The following GRK1 variants were observed in gnomAD, a reference collection of about 807,000 sequenced individuals.
GRK1 encodes the protein rhodopsin kinase GRK1.
GRK1 carries 28 observed loss-of-function variants against 41.7 expected under a neutral mutation model. The ratio of observed to expected loss-of-function variants is 0.67; its 90% CI spans 0.50 to 0.92. The LOEUF (loss-of-function observed/expected upper bound fraction) is 0.92, where lower values mean the gene tolerates loss of function less well. Ranked by LOEUF, GRK1 falls within the 40% of genes least tolerant of loss-of-function variation. The probability of loss-of-function intolerance (pLI) is 0.00; values close to 1 mark genes in which losing one functional copy is unlikely to be tolerated. For missense variants in GRK1, 703 were observed against 671.2 expected, an observed-to-expected ratio of 1.05 and a Z score of -0.52; for synonymous variants, 327 against 286.7, an observed-to-expected ratio of 1.14 and a Z score of -1.42.
chr13:113,727,651 CG>C (rs2049898507), intron 4 of GRK1, among the ~76,000 whole-genome samples: 47 of 131,732 alleles, frequency 3.6e-4, no homozygotes, highest in African/African-American at 1.3e-3. Flanking sequence ...GTACCCATGG[CG>C]ATGAGGACCC....
the GRK1 span, chr13:113,649,325 G>A: frequency 1.3e-6 from 2 of 1,552,012 alleles, no homozygotes; most frequent in Non-Finnish European, 1.7e-6. This position sits in a 1 kb window ranked among gnomAD's most constrained non-coding sequence, Gnocchi z 4.7. Context: ...CCAGGAGGGT[G>A]TCCTTGAGCG....
chr13:113,672,479 CTGTA>C (rs1230608423), intron 3 of GRK1, among the ~76,000 whole-genome samples: 1 of 151,296 alleles, frequency 6.6e-6, no homozygotes, highest in African/African-American at 2.4e-5. Flanking sequence ...TGTGTGGTAT[CTGTA>C]TGGTGTGGTA....
chr13:113,723,869 C>A (rs1050642025), intron 4 of GRK1, among the ~76,000 whole-genome samples: 1 of 150,720 alleles, frequency 6.6e-6, no homozygotes, highest in South Asian at 2.1e-4. Context: ...TGTGCATGCC[C>A]GTGTCTGTGC....
rs533061750 is a variant in GRK1 at position 113,732,976 on chromosome 13, G to A, written c.1287G>A (p.Ala429=). ...FSQASKDFCE[A]LLEKDPEKRL... ...AGGCCAGCAAGGACTTCTGCGAGGC[G>A]CTGCTGGAGAAGGACCCGGAGAAGC... The change falls in exon 6 of 7, where the codon GCG becomes GCA. Residue 429 remains alanine (A), a synonymous_variant. Transcript: ENST00000335678. 1.7e-5 allele frequency: 26 copies of A among 1,536,980 alleles called. No homozygotes were observed. Among genetic ancestry groups the A allele is most frequent in the East Asian group, 1.2e-4 (5 of 40,934 alleles).
intron 2 of GRK1, 35 bp downstream of exon 2, chr13:113,669,849 G>A (rs371815999): frequency 8.1e-6 from 13 of 1,610,894 alleles, no homozygotes; most frequent in Middle Eastern, 1.7e-4. Flanking sequence ...AGGGGGCCCC[G>A]CTGTCCCACT....
At position 113,728,220 on chromosome 13, in the gene GRK1, GAGTACCCATGGCGAGGAGT is replaced by G. The variant is rs1566696930; in HGVS notation, c.1070-2997_1070-2979del. Reference sequence around the variant, plus strand: ...GATGAGGAGTACCCATGGCGATGAGGAGTACCCATGGCGAGGAGTACCCATGGCGATGAGGAGTACCCAT... The same window carrying G: ...GATGAGGAGTACCCATGGCGATGAGGACCCATGGCGATGAGGAGTACCCAT... On this transcript the variant is annotated intron_variant, in intron 4 of 6. Transcript: ENST00000335678. 2.1e-3 allele frequency among the ~76,000 whole-genome samples: 230 copies of G among 108,790 alleles called. 2 individuals are homozygous for G. Among genetic ancestry groups the G allele is most frequent in the Middle Eastern group, 7.7e-3 (1 of 130 alleles). The allele number at this position is 108,790 out of a possible 152,430, so 71.4% of individuals were successfully genotyped here.
chr13:113,665,487 C>T (rs1238866644), upstream of GRK1, among the ~76,000 whole-genome samples: 1 of 150,018 alleles, frequency 6.7e-6, no homozygotes, highest in Non-Finnish European at 1.5e-5. Flanking sequence ...CAAGTGTGTA[C>T]CAGCTGTCCC....
rs896613924 is a variant in GRK1, at chr13:113,671,137, T to C, written c.828-362T>C. Among the ~76,000 whole-genome samples, 2 of 152,248 alleles carry C rather than the reference T, an allele frequency of 1.3e-5. No homozygotes were observed. The highest frequency in any genetic ancestry group is 2.4e-5 in the African/African-American group (1 of 41,466). ...GAAACACCTTACTGCAAATCTTTCA[T>C]GAGTCTGATGAACTTGGGGCCTGCG... On this transcript the variant is annotated intron_variant, in intron 2 of 6. Transcript: ENST00000335678. This position sits in a 1 kb window ranked among gnomAD's most constrained non-coding sequence, Gnocchi z 4.1.
At chr13:113,727,585 GAGT>G (rs1176072447) in intron 4 of GRK1, among the ~76,000 whole-genome samples, 1 of 150,940 alleles carries the variant, frequency 6.6e-6, no homozygotes. Flanking sequence ...TGGCAATGAG[GAGT>G]ACCCATGGCA....
intron 4 of GRK1, among the ~76,000 whole-genome samples, chr13:113,730,554 C>T (rs916668697): frequency 5.3e-5 from 8 of 150,692 alleles, no homozygotes; most frequent in Non-Finnish European, 1.2e-4. Context: ...GCCTCTGCGG[C>T]TGCGCCCAGA....
the GRK1 span, chr13:113,649,627 G>C: frequency 1.6e-5 from 22 of 1,380,428 alleles, no homozygotes; most frequent in Non-Finnish European, 1.6e-5. The surrounding 1 kb of genome is among the most constrained non-coding windows in gnomAD (Gnocchi z 4.7). Context: ...AGTCAGGTTG[G>C]TGCAGAGAAG....
Position 113,731,542 on chromosome 13 carries a change from C to A in GRK1, c.1194+199C>A. ...TGTCTCAGTGGGTGACGCCCCCAGC[C>A]CCTGAGGCCTGCAGGTGGAGGGGCT... On this transcript the variant is annotated intron_variant, in intron 5 of 6. Transcript: ENST00000335678. The surrounding 1 kb of genome is among the most constrained non-coding windows in gnomAD (Gnocchi z 5.6). 3.0e-6 allele frequency: 1 copy of A among 330,900 alleles called. No individual in the cohort carries two copies. The highest frequency in any genetic ancestry group is 4.3e-6 in the Non-Finnish European group (1 of 231,632). The allele number at this position is 330,900 out of a possible 1,614,324, so 20.5% of individuals were successfully genotyped here.
chr13:113,660,365 A>C, the GRK1 span, among the ~76,000 whole-genome samples: 1 of 152,162 alleles, frequency 6.6e-6, no homozygotes, highest in Non-Finnish European at 1.5e-5. Flanking sequence ...CCCACCCAAC[A>C]GTCCTCAGGA....
At position 113,735,087 on chromosome 13, in the gene GRK1, C is replaced by A. The variant is rs1566701153; in HGVS notation, c.1416C>A (p.Phe472Leu). The A allele has an allele frequency of 1.3e-6, 2 of 1,518,612 alleles. No homozygotes were observed. The highest frequency in any genetic ancestry group is 1.8e-6 in the Non-Finnish European group (2 of 1,132,282). 94.1% of individuals were successfully genotyped at this position (1,518,612 alleles called of 1,614,324 possible). The change falls in exon 7 of 7, where the codon TTC becomes TTA. Residue 472 changes from phenylalanine (F) to leucine (L), a missense_variant. Phe to Leu is a conservative substitution (Grantham distance 22). Transcript: ENST00000335678. ...QLEAGMLMPP[F>L]IPDSKTVYAK... is the part of the protein sequence containing the mutation. ...CCACAGGGATGCTGATGCCCCCTTT[C>A]ATCCCAGACTCCAAAACTGTCTACG... is the stretch of plus-strand genomic sequence containing the variant.
Position 113,671,072 on chromosome 13 carries a change from TAA to T in GRK1, c.828-426_828-425del, listed in dbSNP as rs370086379. Among the ~76,000 whole-genome samples the T allele has an allele frequency of 1.6e-3, 245 of 152,320 alleles. No individual in the cohort carries two copies. Among genetic ancestry groups the T allele is most frequent in the African/African-American group, 5.6e-3 (232 of 41,562 alleles). On this transcript the variant is annotated intron_variant, in intron 2 of 6. Transcript: ENST00000335678. This position sits in a 1 kb window ranked among gnomAD's most constrained non-coding sequence, Gnocchi z 4.1. ...CTGCAAAACCTGTCCGTGGAAAACA[TAA>T]GAGATGATGTTCTATGGGGGAGGAA...
At chr13:113,666,364 G>T (rs1162218203), upstream of GRK1, among the ~76,000 whole-genome samples, 1 of 148,110 alleles carries the variant, frequency 6.8e-6, no homozygotes, top group Admixed American at 6.7e-5. Flanking sequence ...GTGTTCACCA[G>T]CTGTCCCAGC....
rs2049902270 is a variant in GRK1, at chr13:113,727,959, TGATGAGGACCCATG to T, written c.1070-3258_1070-3245del. On this transcript the variant is annotated intron_variant, in intron 4 of 6. Transcript: ENST00000335678. ...CCATGGCGATGAGGAGTACCCATGG[TGATGAGGACCCATG>T]GCGATGAGGAGTACCCATGGCGATG... is the stretch of plus-strand genomic sequence containing the variant. Among the ~76,000 whole-genome samples the T allele has an allele frequency of 1.3e-3, 77 of 60,038 alleles. 2 individuals carry two copies. The highest frequency in any genetic ancestry group is 7.2e-3 in the African/African-American group (68 of 9,426). The allele number at this position is 60,038 out of a possible 152,430, so 39.4% of individuals were successfully genotyped here. A position where few individuals can be genotyped will look rare whatever the true frequency, so the allele number is the denominator to read the frequency against.
chr13:113,663,338 A>G (rs1354256196), upstream of GRK1, among the ~76,000 whole-genome samples: 1 of 152,270 alleles, frequency 6.6e-6, no homozygotes, highest in Non-Finnish European at 1.5e-5. Context: ...TTCTATAAAA[A>G]GTAACCCAAA....
intron 6 of GRK1, among the ~76,000 whole-genome samples, chr13:113,733,664 TGTGTGCACG>T (rs1566699567): frequency 2.6e-5 from 3 of 116,430 alleles, no homozygotes. Flanking sequence ...TGTGTGTGCG[TGTGTGCACG>T]TGTGTGCATG....
Sources: allele counts gnomAD v4.1 joint callset (sites outside exome capture counted in the v4.1 genomes callset), GRCh38; gene constraint gnomAD v4.1.1; non-coding constraint Gnocchi (gnomAD v3.1); transcripts MANE v1.5; gene names NCBI Gene and HGNC (gene_info 2026-07-23, HGNC 2026-07-21).